MRPS21: variants seen among roughly 807,000 people sequenced by gnomAD.
The protein encoded by MRPS21 is small ribosomal subunit protein bS21m.
A neutral mutation model predicts 9.9 loss-of-function variants in MRPS21; 8 were observed. That is an observed-to-expected ratio of 0.81 (90% CI 0.47 to 1.45). The LOEUF is 1.45. Ranked by LOEUF, MRPS21 falls within the 40% of genes most tolerant of loss-of-function variation. The pLI, the probability that MRPS21 is intolerant of heterozygous loss-of-function variation, is 0.00. For missense variants in MRPS21, 101 were observed against 118.9 expected, an observed-to-expected ratio of 0.85 and a Z score of 0.70; for synonymous variants, 40 against 40.3, an observed-to-expected ratio of 0.99 and a Z score of 0.03.
chr1:150,297,598 G>A (rs1222623611), intron 2 of MRPS21, among the ~76,000 whole-genome samples: 42 of 151,792 alleles, frequency 2.8e-4, no homozygotes, highest in African/African-American at 9.7e-4. Context: ...TTGAACCTGG[G>A]AAATAGAGGC....
At chr1:150,302,286 G>C (rs1284724586) in intron 2 of MRPS21, among the ~76,000 whole-genome samples, 1 of 152,136 alleles carries the variant, frequency 6.6e-6, no homozygotes, top group Non-Finnish European at 1.5e-5. Flanking sequence ...TGTCCAGTGA[G>C]GCCACCACAA....
At chr1:150,297,701 T>G (rs1653966887) in intron 2 of MRPS21, among the ~76,000 whole-genome samples, 1 of 152,014 alleles carries the variant, frequency 6.6e-6, no homozygotes, top group African/African-American at 2.4e-5. Context: ...GCCACATCAC[T>G]TAATTCTATG....
intron 2 of MRPS21, among the ~76,000 whole-genome samples, chr1:150,295,735 A>G (rs1553856439): frequency 6.6e-6 from 1 of 152,134 alleles, no homozygotes; most frequent in Admixed American, 6.6e-5. Context: ...CCAAGAGTTC[A>G]AGACCAATCT....
At chr1:150,307,314 C>G (rs1371231597) in intron 2 of MRPS21, among the ~76,000 whole-genome samples, 1 of 144,110 alleles carries the variant, frequency 6.9e-6, no homozygotes, top group Non-Finnish European at 1.5e-5. Context: ...TCCCGAAGTG[C>G]TAGGATTACA....
At chr1:150,294,070 C>G (rs1653821564) in intron 1 of MRPS21, 172 bp downstream of exon 1, 1 of 354,522 alleles carries the variant, frequency 2.8e-6, no homozygotes, top group African/African-American at 2.1e-5. Context: ...ATCCTTGTCG[C>G]TCGTGTCCTT....
At chr1:150,294,728 G>A (rs1271490953) in intron 2 of MRPS21, among the ~76,000 whole-genome samples, 8 of 151,544 alleles carry the variant, frequency 5.3e-5, no homozygotes, top group Non-Finnish European at 1.2e-4. Context: ...GTGAAACCGT[G>A]TCTCTACTAA....
intron 2 of MRPS21, among the ~76,000 whole-genome samples, chr1:150,298,913 C>G (rs1240286156): frequency 1.3e-5 from 2 of 152,052 alleles, no homozygotes; most frequent in African/African-American, 4.8e-5. Context: ...CCACTTCTTA[C>G]AGTTGTATCA....
At chr1:150,295,386 G>A (rs782692337) in intron 2 of MRPS21, among the ~76,000 whole-genome samples, 19 of 152,072 alleles carry the variant, frequency 1.2e-4, no homozygotes, top group Non-Finnish European at 2.1e-4. Flanking sequence ...AGTGACGCAC[G>A]CCACCACCGC....
intron 2 of MRPS21, chr1:150,303,855 A>G (rs1202938277): frequency 1.5e-5 from 7 of 455,750 alleles, no homozygotes; most frequent in Non-Finnish European, 3.1e-5. Context: ...TGCTATGGAC[A>G]TTTATTAGTC....
chr1:150,304,880 A>G (rs782754075), intron 2 of MRPS21: 6 of 264,322 alleles, frequency 2.3e-5, no homozygotes, highest in Admixed American at 5.4e-5. Flanking sequence ...GCGAAACCTT[A>G]TGTCTACTAA....
intron 2 of MRPS21, among the ~76,000 whole-genome samples, chr1:150,297,698 C>T (rs1653966808): frequency 6.6e-6 from 1 of 151,932 alleles, no homozygotes; most frequent in African/African-American, 2.4e-5. Flanking sequence ...TCAGCCACAT[C>T]ACTTAATTCT....
chr1:150,303,828 G>A, intron 2 of MRPS21: 2 of 450,970 alleles, frequency 4.4e-6, no homozygotes, highest in Non-Finnish European at 9.0e-6. Context: ...TATATTGTAA[G>A]GTCACTTAAT....
chr1:150,301,524 G>A (rs1654130490), intron 2 of MRPS21, among the ~76,000 whole-genome samples: 1 of 152,184 alleles, frequency 6.6e-6, no homozygotes, highest in Admixed American at 6.5e-5. Context: ...AGAAATTCAA[G>A]TCCCATAGAC....
intron 2 of MRPS21, among the ~76,000 whole-genome samples, chr1:150,297,989 A>G (rs1653978809): frequency 6.6e-6 from 1 of 151,344 alleles, no homozygotes; most frequent in Non-Finnish European, 1.5e-5. Flanking sequence ...GCTGGAGTGC[A>G]ATGGTGCCAT....
At chr1:150,301,267 GGAGCTTGCA>G (rs1467080609) in intron 2 of MRPS21, 2 of 209,072 alleles carry the variant, frequency 9.6e-6, no homozygotes, top group African/African-American at 4.8e-5. Context: ...CCCGGGAGGC[GGAGCTTGCA>G]GTGAGCCAAG....
At chr1:150,307,965 T>C in intron 2 of MRPS21, 83 bp from the exon 3 acceptor site, 1 of 1,285,070 alleles carries the variant, frequency 7.8e-7, no homozygotes, top group Non-Finnish European at 1.1e-6. Flanking sequence ...ACCAATTGTT[T>C]GGTCAATCGA....
chr1:150,298,879 C>T (rs1654009390), intron 2 of MRPS21, among the ~76,000 whole-genome samples: 1 of 152,102 alleles, frequency 6.6e-6, no homozygotes, highest in East Asian at 1.9e-4. Flanking sequence ...GGATTACAGG[C>T]GTGAGCCACC....
At chr1:150,302,720 G>A (rs1159313809) in intron 2 of MRPS21, among the ~76,000 whole-genome samples, 1 of 152,164 alleles carries the variant, frequency 6.6e-6, no homozygotes, top group Non-Finnish European at 1.5e-5. Flanking sequence ...GCAGAAGGAA[G>A]CATCATTAGT....
chr1:150,296,691 A>C (rs1338931642), intron 2 of MRPS21, among the ~76,000 whole-genome samples: 1 of 152,240 alleles, frequency 6.6e-6, no homozygotes, highest in Non-Finnish European at 1.5e-5. Flanking sequence ...TTATTGGGTT[A>C]TGCAGTTATT....
Sources: allele counts gnomAD v4.1 joint callset (sites outside exome capture counted in the v4.1 genomes callset), GRCh38; gene constraint gnomAD v4.1.1; transcripts MANE v1.5; gene names NCBI Gene and HGNC (gene_info 2026-07-23, HGNC 2026-07-21).